The following SLC15A4 variants were observed in gnomAD, a reference collection of about 807,000 sequenced individuals.
The protein encoded by SLC15A4 is hPHT1.
Under a neutral mutation model 46.1 loss-of-function variants are expected in SLC15A4, and 26 were observed. The ratio of observed to expected loss-of-function variants is 0.56; its 90% CI spans 0.41 to 0.78. The LOEUF is 0.78. Among genes scored for constraint, SLC15A4 ranks in the 30% least tolerant of loss-of-function variants. The pLI, the probability that SLC15A4 is intolerant of heterozygous loss-of-function variation, is 0.00. For synonymous variants in SLC15A4, 370 were observed against 333.4 expected (o/e 1.11, Z -1.20); for missense variants, 751 against 755.7 (o/e 0.99, Z 0.07).
chr12:128,821,242 A>G (rs757834588), intron 1 of SLC15A4, among the ~76,000 whole-genome samples: 7 of 152,158 alleles, frequency 4.6e-5, no homozygotes, highest in Non-Finnish European at 8.8e-5. Context: ...CTACTTCCAT[A>G]GCTGAACTCC....
intron 5 of SLC15A4, among the ~76,000 whole-genome samples, chr12:128,804,970 T>C (rs752095221): frequency 6.6e-5 from 10 of 152,182 alleles, no homozygotes; most frequent in Non-Finnish European, 1.2e-4. Context: ...GACGCACACG[T>C]GCTCAATGAC....
At chr12:128,795,506 T>C (rs1259553314) in intron 7 of SLC15A4, among the ~76,000 whole-genome samples, 1 of 152,082 alleles carries the variant, frequency 6.6e-6, no homozygotes, top group Non-Finnish European at 1.5e-5. Flanking sequence ...TCCTCATCTG[T>C]AAAATGGGGA....
rs1955754814 is a variant in SLC15A4, at chr12:128,816,643, A to AAC, written c.547-1575_547-1574dup. ...TCTAGGAGTTTGAGAGCAGCCTGGG[A>AAC]ACACAGACAGACCCCCATCTCTACA... On this transcript the variant is annotated intron_variant, in intron 1 of 7. Transcript: ENST00000266771. Among the ~76,000 whole-genome samples, 4 of 152,112 alleles carry AAC rather than the reference A, an allele frequency of 2.6e-5. No individual in the cohort carries two copies. In the South Asian group the frequency reaches 8.3e-4, roughly 32 times the overall value.
chr12:128,812,626 C>A (rs993150779), intron 2 of SLC15A4, among the ~76,000 whole-genome samples: 1 of 152,180 alleles, frequency 6.6e-6, no homozygotes, highest in African/African-American at 2.4e-5. Context: ...TGGAGGCCCA[C>A]CTTTTTTAAG....
In SLC15A4 at chr12:128,793,849, G is replaced by A. The variant is rs1283737144; in HGVS notation, c.*347C>T. ...TGATACTATTTGTTTAAGAAACTGG[G>A]ATGCCAACTAACACGTGGAGTTCCC... On this transcript the variant is annotated 3_prime_UTR_variant, in exon 8 of 8. Transcript: ENST00000266771. The A allele has an allele frequency of 5.4e-6, 1 of 186,912 alleles. No individual in the cohort carries two copies. The highest frequency in any genetic ancestry group is 2.3e-5 in the African/African-American group (1 of 42,762). The allele number at this position is 186,912 out of a possible 1,614,324, so 11.6% of individuals were successfully genotyped here.
chr12:128,795,155 G>A (rs751556845), intron 7 of SLC15A4, among the ~76,000 whole-genome samples: 4 of 151,988 alleles, frequency 2.6e-5, no homozygotes, highest in Admixed American at 6.6e-5. Context: ...CCTGAACATC[G>A]TGAATTCTGG....
Position 128,809,377 on chromosome 12 carries a change from TCATTA to T in SLC15A4, c.1089+14_1089+18del. 3 of 1,503,744 alleles carry T rather than the reference TCATTA, an allele frequency of 2.0e-6. No individual in the cohort carries two copies. Among genetic ancestry groups the T allele is most frequent in the Non-Finnish European group, 2.7e-6 (3 of 1,091,022 alleles). The allele number at this position is 1,503,744 out of a possible 1,614,324, so 93.2% of individuals were successfully genotyped here. On this transcript the variant is annotated intron_variant, in intron 4 of 7. Coordinates refer to ENST00000266771, the MANE Select transcript of SLC15A4 (RefSeq NM_145648.4). ...TAAGTCCAAAATAACAATGTTCAGA[TCATTA>T]CAATTGTTCTTACCGTGTGAGGAGT...
At chr12:128,817,422 G>A (rs1284463419) in intron 1 of SLC15A4, among the ~76,000 whole-genome samples, 1 of 152,172 alleles carries the variant, frequency 6.6e-6, no homozygotes, top group African/African-American at 2.4e-5. Context: ...TTTTTGACAA[G>A]CATAAAAGAG....
chr12:128,794,327 A>C lies in SLC15A4; in HGVS notation c.1603T>G (p.Tyr535Asp). 4 of 1,613,086 alleles carry C rather than the reference A, an allele frequency of 2.5e-6. No individual in the cohort carries two copies. In the South Asian group the frequency reaches 4.4e-5, roughly 18 times the overall value. The stretch of plus-strand genomic sequence containing the variant: ...TGAATAGCAGCCAGAAGAAAAAAGT[A>C]ATAGTTCAAATAGCAGCCGTTAATA... ...GNINGCYLNYYFFLLAAIQGA... is the reference protein window; with the variant it reads ...GNINGCYLNYDFFLLAAIQGA... Residue 535 changes from tyrosine (Y) to aspartate (D), a missense_variant, in exon 8 of 8, where the codon TAC becomes GAC. Transcript: ENST00000266771.
chr12:128,794,487 G>A, intron 7 of SLC15A4, 131 bp from the exon 8 acceptor site: 1 of 901,158 alleles, frequency 1.1e-6, no homozygotes, highest in African/African-American at 1.7e-5. Flanking sequence ...TGTTGTCTCT[G>A]TAGTCCAAAA....
At chr12:128,807,525 G>A (rs747913869) in intron 5 of SLC15A4, among the ~76,000 whole-genome samples, 3 of 152,222 alleles carry the variant, frequency 2.0e-5, no homozygotes, top group Non-Finnish European at 2.9e-5. Context: ...CAGCCCCGGG[G>A]GGAGAGAGAG....
Position 128,800,983 on chromosome 12 carries a change from G to A in SLC15A4, c.1285C>T (p.Leu429Phe), listed in dbSNP as rs1955512502. The A allele has an allele frequency of 6.2e-7, 1 of 1,612,384 alleles. No homozygotes were observed. The highest frequency in any genetic ancestry group is 8.5e-7 in the Non-Finnish European group (1 of 1,179,462). Residue 429 changes from leucine to phenylalanine, a missense_variant, in exon 6 of 8, where the codon CTT becomes TTT. Transcript: ENST00000266771. ...AGILESKRLNLVKEKTINQTI... is the reference protein window; with the variant it reads ...AGILESKRLNFVKEKTINQTI... ...TGATTAATGGTTTTCTCTTTAACAA[G>A]GTTCAGCCTTTTACTCTCCAAAATT...
chr12:128,799,231 T>C, intron 7 of SLC15A4, 28 bp downstream of exon 7: 1 of 1,610,930 alleles, frequency 6.2e-7, no homozygotes, highest in Non-Finnish European at 8.5e-7. Context: ...CTGGCTATTT[T>C]CAAAAGGGAC....
intron 5 of SLC15A4, among the ~76,000 whole-genome samples, chr12:128,805,680 C>T (rs150370657): frequency 6.6e-4 from 100 of 152,190 alleles, no homozygotes; most frequent in Middle Eastern, 3.4e-3. Flanking sequence ...TAAAGGCATG[C>T]GCCACCACGC....
chr12:128,818,065 A>T (rs1371191886), intron 1 of SLC15A4, among the ~76,000 whole-genome samples: 1 of 150,176 alleles, frequency 6.7e-6, no homozygotes, highest in Non-Finnish European at 1.5e-5. Flanking sequence ...ATGGGGTGTC[A>T]GTTTTTCCTC....
chr12:128,795,467 T>C (rs775313704), intron 7 of SLC15A4, among the ~76,000 whole-genome samples: 4 of 152,150 alleles, frequency 2.6e-5, no homozygotes, highest in Non-Finnish European at 4.4e-5. Context: ...AAGGCTTGAA[T>C]CCGGCCTCTG....
intron 5 of SLC15A4, among the ~76,000 whole-genome samples, chr12:128,802,839 A>G (rs1286404478): frequency 6.6e-6 from 1 of 152,198 alleles, no homozygotes; most frequent in Non-Finnish European, 1.5e-5. Flanking sequence ...AATAGGCCTG[A>G]TTATTGGTGA....
Position 128,814,812 on chromosome 12 carries a change from A to G in SLC15A4, c.805T>C (p.Cys269Arg). Residue 269 changes from cysteine (C) to arginine (R), a missense_variant, in exon 2 of 8, where the codon TGT becomes CGT. Cys to Arg is a radical substitution (Grantham distance 180). Coordinates refer to ENST00000266771, the MANE Select transcript of SLC15A4 (RefSeq NM_145648.4). ...DMFKILTYSC[C>R]SQKRSGERQS... The stretch of plus-strand genomic sequence containing the variant: ...CGCTCTCCACTTCGCTTCTGGGAAC[A>G]GCAGGAATACGTCAGTATCTTGAAC... 1 of 1,614,240 alleles carries G rather than the reference A, an allele frequency of 6.2e-7. No individual in the cohort carries two copies.
intron 2 of SLC15A4, among the ~76,000 whole-genome samples, chr12:128,810,650 G>A (rs958300455): frequency 1.3e-5 from 2 of 152,260 alleles, no homozygotes; most frequent in African/African-American, 2.4e-5. Context: ...TTCTATTCTC[G>A]GAGGAAAGCT....
Sources: allele counts gnomAD v4.1 joint callset (sites outside exome capture counted in the v4.1 genomes callset), GRCh38; gene constraint gnomAD v4.1.1; transcripts MANE v1.5; gene names NCBI Gene and HGNC (gene_info 2026-07-23, HGNC 2026-07-21).